Variants in ARHGEF6 observed in about 807,000 individuals in gnomAD.
The protein encoded by ARHGEF6 is Rac/Cdc42 guanine nucleotide exchange factor 6.
In ARHGEF6, 9 loss-of-function variants were observed where a neutral mutation model predicts 70.3. The ratio of observed to expected loss-of-function variants is 0.13; its 90% CI spans 0.08 to 0.22. ARHGEF6 has a LOEUF of 0.22. ARHGEF6 is among the 10% of genes least tolerant of loss of function. ARHGEF6 has a pLI of 1.00. For missense variants in ARHGEF6, 470 were observed against 563.0 expected, an observed-to-expected ratio of 0.83 and a Z score of 1.67; for synonymous variants, 201 against 207.8, an observed-to-expected ratio of 0.97 and a Z score of 0.28.
At chrX:136,774,036 G>T (rs967170207) in intron 2 of ARHGEF6, 2 of 111,714 alleles carry the variant, frequency 1.8e-5, no homozygotes, top group Non-Finnish European at 3.8e-5. Context: ...AAATTGGAAC[G>T]ATACAGAGAA....
At chrX:136,668,278 G>C (rs1489795191) in intron 21 of ARHGEF6, 109 bp from the exon 22 acceptor site, 2 of 936,635 alleles carry the variant, frequency 2.1e-6, no homozygotes, top group Non-Finnish European at 3.0e-6. Flanking sequence ...TTCTTTCCTC[G>C]ACCTTCCCTC....
rs200114073 is a variant in ARHGEF6, at chrX:136,730,588, C to CA, written c.732+1513dup. ...GTCTGAGGTTTGGGATGATATCTAC[C>CA]AAAAAAAAACTGTTAAACATATATG... On this transcript the variant is annotated intron_variant, in intron 6 of 21. Coordinates refer to ENST00000250617, the MANE Select transcript of ARHGEF6 (RefSeq NM_004840.3). 2.3e-3 allele frequency among the ~76,000 whole-genome samples: 253 copies of CA among 108,985 alleles called. 1 individual carries two copies. Among genetic ancestry groups the CA allele is most frequent in the African/African-American group, 7.9e-3 (238 of 30,058 alleles). 94.6% of individuals were successfully genotyped at this position (108,985 alleles called of 115,157 possible). A position where few individuals can be genotyped will look rare whatever the true frequency, so the allele number is the denominator to read the frequency against.
chrX:136,759,562 G>A (rs757198002), intron 2 of ARHGEF6, among the ~76,000 whole-genome samples: 16 of 108,371 alleles, frequency 1.5e-4, no homozygotes, highest in African/African-American at 3.0e-4. Context: ...CCAAAGAGGC[G>A]GAGGTTACAG....
chrX:136,743,238 T>C (rs1448292534), intron 5 of ARHGEF6, among the ~76,000 whole-genome samples: 1 of 104,775 alleles, frequency 9.5e-6, no homozygotes, highest in Non-Finnish European at 2.0e-5. Flanking sequence ...TCTCTTATTA[T>C]TGGATTCTGC....
rs2076899043 is a variant in ARHGEF6 at position 136,728,994 on chromosome X, T to TATTC, written c.732+3104_732+3107dup. Among the ~76,000 whole-genome samples the TATTC allele has an allele frequency of 3.5e-5, 3 of 86,557 alleles. No homozygotes were observed. In the Admixed American group the frequency reaches 4.2e-4, roughly 12 times the overall value. The allele number at this position is 86,557 out of a possible 115,157, so 75.2% of individuals were successfully genotyped here. On this transcript the variant is annotated intron_variant, in intron 6 of 21. Coordinates refer to ENST00000250617, the MANE Select transcript of ARHGEF6 (RefSeq NM_004840.3). ...TCCATAGTCACATGTGCCAATTCCT[T>TATTC]ATTCATTCTCTCTCTCTCTCTCTCT...
intron 2 of ARHGEF6, among the ~76,000 whole-genome samples, chrX:136,753,132 T>C (rs1465403565): frequency 8.9e-6 from 1 of 112,508 alleles, no homozygotes; most frequent in African/African-American, 3.2e-5. Flanking sequence ...TTCCACTTAC[T>C]AGAATATAGT....
At chrX:136,711,813 G>A (rs1207602454) in intron 7 of ARHGEF6, among the ~76,000 whole-genome samples, 4 of 111,543 alleles carry the variant, frequency 3.6e-5, no homozygotes, top group African/African-American at 6.5e-5. Flanking sequence ...CACCCGCCTC[G>A]GCCTCCCACA....
intron 19 of ARHGEF6, among the ~76,000 whole-genome samples, chrX:136,673,792 A>T (rs781275959): frequency 1.8e-5 from 2 of 111,174 alleles, no homozygotes; most frequent in South Asian, 7.8e-4. Flanking sequence ...AAATGCGTCA[A>T]CTTTCACATT....
intron 19 of ARHGEF6, among the ~76,000 whole-genome samples, chrX:136,674,706 G>A: frequency 8.9e-6 from 1 of 112,158 alleles, no homozygotes; most frequent in Middle Eastern, 4.7e-3. Flanking sequence ...TAGTGTTGGT[G>A]AAGGTATCTG....
chrX:136,685,178 G>A (rs1298181314), intron 12 of ARHGEF6, among the ~76,000 whole-genome samples: 2 of 111,330 alleles, frequency 1.8e-5, no homozygotes, highest in South Asian at 7.6e-4. Flanking sequence ...TCTGCCTTGC[G>A]AAATCCTCCC....
At chrX:136,686,603 T>TATATATATATATATACAC (rs1569393712) in intron 11 of ARHGEF6, among the ~76,000 whole-genome samples, 2 of 76,239 alleles carry the variant, frequency 2.6e-5, no homozygotes, top group African/African-American at 1.3e-4. Context: ...TGTATATATA[T>TATATATATATATATACAC]ATATATATAT....
intron 5 of ARHGEF6, among the ~76,000 whole-genome samples, chrX:136,740,226 C>G (rs1356849982): frequency 9.0e-6 from 1 of 110,867 alleles, no homozygotes; most frequent in Non-Finnish European, 1.9e-5. Flanking sequence ...CCAGGCTGAT[C>G]GCGAATTCCT....
chrX:136,764,808 T>G (rs2077298453), intron 2 of ARHGEF6, among the ~76,000 whole-genome samples: 1 of 112,305 alleles, frequency 8.9e-6, no homozygotes. Flanking sequence ...TTTAAGCATT[T>G]TTTTAAAAAA....
rs765933322 is a variant in ARHGEF6 at position 136,706,981 on chromosome X, G to T, written c.973C>A (p.Pro325Thr). ...KVGGCLLSLMPHFKSMYLAYC... is the reference protein window; with the variant it reads ...KVGGCLLSLMTHFKSMYLAYC... ...GCCAGATACATAGATTTAAAATGAG[G>T]CATGAGACTCAGTAGACAACCTCCT... is the stretch of plus-strand genomic sequence containing the variant. The change falls in exon 9 of 22, where the codon CCT becomes ACT. Residue 325 changes from proline to threonine, a missense_variant. Pro to Thr is a conservative substitution (Grantham distance 38). This residue lies in a region of ARHGEF6 where 379 missense variants were observed against 449.3 expected (regional missense o/e 0.84). Coordinates refer to ENST00000250617, the MANE Select transcript of ARHGEF6 (RefSeq NM_004840.3). The T allele has an allele frequency of 4.1e-6, 5 of 1,208,754 alleles. No individual in the cohort carries two copies. Among genetic ancestry groups the T allele is most frequent in the Non-Finnish European group, 5.6e-6 (5 of 893,847 alleles).
At chrX:136,709,019 G>A (rs2148617903) in intron 7 of ARHGEF6, among the ~76,000 whole-genome samples, 1 of 111,986 alleles carries the variant, frequency 8.9e-6, no homozygotes, top group South Asian at 3.7e-4. Context: ...AAAGCAACAG[G>A]TAAATTAAAA....
chrX:136,741,829 T>G (rs1287538327), intron 5 of ARHGEF6, among the ~76,000 whole-genome samples: 3 of 112,065 alleles, frequency 2.7e-5, no homozygotes, highest in Non-Finnish European at 5.6e-5. Flanking sequence ...ATTGATGGAA[T>G]GCTTCTTGAT....
Position 136,737,442 on chromosome X carries a change from G to A in ARHGEF6, c.662-5270C>T, listed in dbSNP as rs1429609240. 25 of 529,191 alleles carry A rather than the reference G, an allele frequency of 4.7e-5. No individual in the cohort carries two copies. The South Asian group carries it at 2.0e-3, about 42-fold the overall frequency. 43.6% of individuals were successfully genotyped at this position (529,191 alleles called of 1,213,427 possible). On this transcript the variant is annotated intron_variant, in intron 5 of 21. Transcript: ENST00000250617. ...AGATCGCGCCATTGCACTCCAGCCC[G>A]GGCAACAAGAGCGAAACTCCATCTC... is the stretch of plus-strand genomic sequence containing the variant.
chrX:136,759,774 T>G (rs927591149), intron 2 of ARHGEF6, among the ~76,000 whole-genome samples: 4 of 112,165 alleles, frequency 3.6e-5, no homozygotes, highest in African/African-American at 1.3e-4. Flanking sequence ...TCACCTTAAT[T>G]TAATTCCTTC....
intron 6 of ARHGEF6, 78 bp downstream of exon 6, chrX:136,732,024 C>T (rs2076940002): frequency 1.3e-6 from 1 of 796,286 alleles, no homozygotes; most frequent in Non-Finnish European, 1.9e-6. Flanking sequence ...TGTGTCACCT[C>T]AACACATCAA....
Sources: allele counts gnomAD v4.1 joint callset (sites outside exome capture counted in the v4.1 genomes callset), GRCh38; gene constraint gnomAD v4.1.1; regional missense constraint gnomAD v4.1.1; transcripts MANE v1.5; gene names NCBI Gene and HGNC (gene_info 2026-07-23, HGNC 2026-07-21).